NRXN3: variants seen among roughly 807,000 people sequenced by gnomAD.
NRXN3 encodes neurexin III.
In NRXN3, 32 loss-of-function variants were observed where a neutral mutation model predicts 137.6. The ratio of observed to expected loss-of-function variants is 0.23; its 90% CI spans 0.18 to 0.31. NRXN3 has a LOEUF of 0.31. Ranked by LOEUF, NRXN3 falls within the 10% of genes least tolerant of loss-of-function variation. The pLI is 1.00. For synonymous variants in NRXN3, 798 were observed against 784.5 expected, an observed-to-expected ratio of 1.02 and a Z score of -0.29; for missense variants, 1,574 against 2,062.5, an observed-to-expected ratio of 0.76 and a Z score of 4.59.
rs1037591588 is a variant in NRXN3 at position 78,790,436 on chromosome 14, C to T, written c.2045-13184C>T. On this transcript the variant is annotated intron_variant, in intron 8 of 20. Transcript: ENST00000335750. The stretch of plus-strand genomic sequence containing the variant: ...CTTGTCCACAAGAGGGAGGACATCA[C>T]CCCACATCCATTTTGTTGATTCCCT... 2.0e-5 allele frequency among the ~76,000 whole-genome samples: 3 copies of T among 152,114 alleles called. No homozygotes were observed. In the East Asian group the frequency reaches 5.8e-4, roughly 29 times the overall value.
intron 19 of NRXN3, among the ~76,000 whole-genome samples, chr14:79,772,929 A>G (rs1215452497): frequency 1.3e-5 from 2 of 152,226 alleles, no homozygotes; most frequent in African/African-American, 4.8e-5. Flanking sequence ...ACAAATTTAC[A>G]AGAAAAAAAC....
intron 15 of NRXN3, among the ~76,000 whole-genome samples, chr14:78,992,439 C>G (rs1402626427): frequency 6.6e-6 from 1 of 152,156 alleles, no homozygotes; most frequent in Non-Finnish European, 1.5e-5. Context: ...TCTTGATAGG[C>G]ATATTCTTTT....
intron 15 of NRXN3, among the ~76,000 whole-genome samples, chr14:79,089,493 T>G (rs192770744): frequency 6.6e-6 from 1 of 152,276 alleles, no homozygotes; most frequent in African/African-American, 2.4e-5. Context: ...AATTTTATCT[T>G]TCTTCCTTGT....
chr14:79,243,630 A>G (rs1192224823), intron 15 of NRXN3, among the ~76,000 whole-genome samples: 1 of 152,156 alleles, frequency 6.6e-6, no homozygotes, highest in Non-Finnish European at 1.5e-5. Context: ...TCTAGACGAT[A>G]TAGCCTGTTG....
chr14:78,289,742 C>T (rs566888449), intron 3 of NRXN3, among the ~76,000 whole-genome samples: 57 of 152,072 alleles, frequency 3.7e-4, no homozygotes, highest in Non-Finnish European at 6.6e-4. Context: ...GGTTAAACCC[C>T]GTCTCTACTA....
chr14:79,261,708 T>A (rs2077626760), intron 15 of NRXN3, among the ~76,000 whole-genome samples: 2 of 151,374 alleles, frequency 1.3e-5, no homozygotes, highest in Admixed American at 1.3e-4. Context: ...AAGAACAATT[T>A]ACCTTCCAGA....
chr14:79,080,033 G>T (rs1286497265), intron 15 of NRXN3, among the ~76,000 whole-genome samples: 1 of 152,102 alleles, frequency 6.6e-6, no homozygotes, highest in Admixed American at 6.6e-5. Context: ...ACAAGGAGCT[G>T]TTAGTGTATT....
At chr14:79,203,118 T>G (rs1470462485) in intron 15 of NRXN3, among the ~76,000 whole-genome samples, 1 of 152,166 alleles carries the variant, frequency 6.6e-6, no homozygotes, top group Non-Finnish European at 1.5e-5. Flanking sequence ...TCCCATACCT[T>G]TCCTTTATTG....
intron 16 of NRXN3, among the ~76,000 whole-genome samples, chr14:79,588,283 G>A (rs1451989978): frequency 1.3e-5 from 2 of 152,074 alleles, no homozygotes; most frequent in African/African-American, 4.8e-5. Flanking sequence ...TCAAAATATT[G>A]TTATGGTCAT....
intron 4 of NRXN3, among the ~76,000 whole-genome samples, chr14:78,481,653 T>C (rs1003079876): frequency 6.6e-6 from 1 of 152,186 alleles, no homozygotes; most frequent in Non-Finnish European, 1.5e-5. Context: ...GTATTCTTTA[T>C]GGAAAATCAC....
chr14:78,668,237 A>G (rs75662694), intron 6 of NRXN3, among the ~76,000 whole-genome samples: 1 of 152,212 alleles, frequency 6.6e-6, no homozygotes, highest in Non-Finnish European at 1.5e-5. Context: ...TAAAATGCTT[A>G]TGAAGTTTAA....
chr14:78,418,507 G>C (rs557754502), intron 4 of NRXN3, among the ~76,000 whole-genome samples: 1 of 152,242 alleles, frequency 6.6e-6, no homozygotes, highest in Non-Finnish European at 1.5e-5. Flanking sequence ...TCTGAGCCTA[G>C]AACATGGGAC....
chr14:79,105,168 T>G (rs1164200561), intron 15 of NRXN3, among the ~76,000 whole-genome samples: 1 of 152,152 alleles, frequency 6.6e-6, no homozygotes, highest in East Asian at 1.9e-4. Flanking sequence ...AAAGAATGAC[T>G]TGATCATGGC....
At chr14:78,199,352 G>A (rs1241780957) in intron 1 of NRXN3, among the ~76,000 whole-genome samples, 1 of 152,118 alleles carries the variant, frequency 6.6e-6, no homozygotes, top group Admixed American at 6.5e-5. Context: ...ATGGCACTTT[G>A]AACTAGGTGT....
chr14:79,029,043 G>A (rs1163280926), intron 15 of NRXN3, among the ~76,000 whole-genome samples: 2 of 151,598 alleles, frequency 1.3e-5, no homozygotes, highest in South Asian at 4.2e-4. Context: ...AGAAGGCAAG[G>A]AAGAAAGCAA....
chr14:78,730,439 C>T (rs1173130613), intron 8 of NRXN3, among the ~76,000 whole-genome samples: 1 of 152,076 alleles, frequency 6.6e-6, no homozygotes, highest in Non-Finnish European at 1.5e-5. Context: ...CCACACAGTC[C>T]TTTCTTCATT....
chr14:78,821,357 G>A (rs1225430203), intron 10 of NRXN3, among the ~76,000 whole-genome samples: 8 of 152,124 alleles, frequency 5.3e-5, no homozygotes, highest in Non-Finnish European at 8.8e-5. Flanking sequence ...AAGCGAGAGA[G>A]AGGAAGACCT....
At chr14:79,530,643 T>G (rs1314612113) in intron 16 of NRXN3, among the ~76,000 whole-genome samples, 3 of 151,646 alleles carry the variant, frequency 2.0e-5, no homozygotes, top group Non-Finnish European at 4.4e-5. Context: ...ATTTTTTAAG[T>G]AGACTGTCAA....
chr14:78,900,950 C>T (rs530259854), intron 10 of NRXN3, among the ~76,000 whole-genome samples: 3 of 152,138 alleles, frequency 2.0e-5, no homozygotes, highest in East Asian at 1.9e-4. Context: ...TCAAATGACT[C>T]GCCCAACATC....
Sources: allele counts gnomAD v4.1 joint callset (sites outside exome capture counted in the v4.1 genomes callset), GRCh38; gene constraint gnomAD v4.1.1; transcripts MANE v1.5; gene names NCBI Gene and HGNC (gene_info 2026-07-23, HGNC 2026-07-21).